Variants in DTWD2 observed in about 807,000 individuals in gnomAD.
The protein encoded by DTWD2 is DTW motif tRNA-uridine aminocarboxypropyltransferase 2, also known as tRNA-uridine aminocarboxypropyltransferase 2.
DTWD2 carries 39 observed loss-of-function variants against 31.8 expected under a neutral mutation model. The ratio of observed to expected loss-of-function variants is 1.22; its 90% CI spans 0.95 to 1.60. DTWD2 has a LOEUF of 1.60. DTWD2 is among the 40% of genes most tolerant of loss of function. The pLI, the probability that DTWD2 is intolerant of heterozygous loss-of-function variation, is 0.00. For synonymous variants in DTWD2, 180 were observed against 142.8 expected, an observed-to-expected ratio of 1.26 and a Z score of -1.86; for missense variants, 515 against 381.5, an observed-to-expected ratio of 1.35 and a Z score of -2.92.
intron 1 of DTWD2, among the ~76,000 whole-genome samples, chr5:118,979,205 G>A (rs1265654980): frequency 6.6e-6 from 1 of 152,118 alleles, no homozygotes; most frequent in Non-Finnish European, 1.5e-5. Context: ...TCGGGAGGCT[G>A]AGGCAGGAGA....
chr5:118,862,360 A>G (rs925459574), intron 4 of DTWD2, among the ~76,000 whole-genome samples: 5 of 152,204 alleles, frequency 3.3e-5, no homozygotes, highest in African/African-American at 7.2e-5. Flanking sequence ...CATAGTGAGT[A>G]AAGGAGGGCA....
chr5:118,877,960 A>G (rs1374833883), intron 4 of DTWD2, among the ~76,000 whole-genome samples: 1 of 152,194 alleles, frequency 6.6e-6, no homozygotes, highest in Non-Finnish European at 1.5e-5. Context: ...CAAAAAGAAT[A>G]AAATACCTAG....
At chr5:118,888,104 T>A (rs1042124537) in intron 4 of DTWD2, among the ~76,000 whole-genome samples, 13 of 152,192 alleles carry the variant, frequency 8.5e-5, no homozygotes, top group African/African-American at 3.1e-4. Flanking sequence ...TAAAGTAAAA[T>A]TGACATAAAC....
intron 4 of DTWD2, among the ~76,000 whole-genome samples, chr5:118,918,249 T>G (rs950576362): frequency 2.6e-5 from 4 of 152,330 alleles, no homozygotes; most frequent in East Asian, 1.9e-4. Flanking sequence ...CTGAAAACGT[T>G]TGGAAAATAA....
In DTWD2 at chr5:118,838,207, G is replaced by A. The variant is rs1751617828; in HGVS notation, c.*2710C>T. ...CTCAATACCTCTCATTACACGCAGT[G>A]ATTTTCAACATACTATAAAGGAGCT... On this transcript the variant is annotated 3_prime_UTR_variant, in exon 6 of 6. Coordinates refer to ENST00000510708, the MANE Select transcript of DTWD2 (RefSeq NM_173666.4). 1 of 152,088 alleles carries A rather than the reference G, an allele frequency of 6.6e-6. No individual in the cohort carries two copies. Among genetic ancestry groups the A allele is most frequent in the African/African-American group, 2.4e-5 (1 of 41,410 alleles). The allele number at this position is 152,088 out of a possible 1,614,324, so 9.4% of individuals were successfully genotyped here. A position where few individuals can be genotyped will look rare whatever the true frequency, so the allele number is the denominator to read the frequency against.
chr5:118,874,258 T>A (rs901070018), intron 4 of DTWD2, among the ~76,000 whole-genome samples: 10 of 152,122 alleles, frequency 6.6e-5, no homozygotes, highest in African/African-American at 1.9e-4. Context: ...TGGGAAAGAA[T>A]CAGTGCAAGA....
At chr5:118,908,397 C>CA (rs1753381217) in intron 4 of DTWD2, among the ~76,000 whole-genome samples, 1 of 151,940 alleles carries the variant, frequency 6.6e-6, no homozygotes, top group Non-Finnish European at 1.5e-5. Context: ...AAAACAAAAA[C>CA]AAAAAACCCA....
intron 4 of DTWD2, among the ~76,000 whole-genome samples, chr5:118,870,071 C>G (rs1462845883): frequency 2.6e-5 from 4 of 152,144 alleles, no homozygotes; most frequent in African/African-American, 9.7e-5. Context: ...TTGTAAGCTT[C>G]CTGAAGCTTG....
chr5:118,938,227 A>G (rs1163161244), intron 3 of DTWD2, among the ~76,000 whole-genome samples: 2 of 152,168 alleles, frequency 1.3e-5, no homozygotes, highest in South Asian at 2.1e-4. Context: ...AAAAAAAAGG[A>G]TAAGTATCAG....
chr5:118,928,021 A>T (rs1039887099), intron 4 of DTWD2, among the ~76,000 whole-genome samples: 1 of 152,142 alleles, frequency 6.6e-6, no homozygotes, highest in Non-Finnish European at 1.5e-5. Flanking sequence ...TTCCAGGAAT[A>T]TAAGAATGGA....
intron 1 of DTWD2, among the ~76,000 whole-genome samples, chr5:118,983,925 G>A (rs942814038): frequency 6.6e-5 from 10 of 152,152 alleles, no homozygotes; most frequent in East Asian, 3.9e-4. Context: ...TGAAGCAGGC[G>A]GCTCACCTGA....
At chr5:118,841,887 CTTAA>C (rs766531497) in intron 5 of DTWD2, among the ~76,000 whole-genome samples, 1 of 151,826 alleles carries the variant, frequency 6.6e-6, no homozygotes, top group African/African-American at 2.4e-5. Context: ...AGCAAAAAAA[CTTAA>C]TTAAACAGAT....
chr5:118,865,541 T>C (rs1287996683), intron 4 of DTWD2, among the ~76,000 whole-genome samples: 1 of 152,200 alleles, frequency 6.6e-6, no homozygotes, highest in Admixed American at 6.5e-5. Flanking sequence ...CATTTTGGCA[T>C]GGCCATGTTT....
At chr5:118,875,384 C>T (rs1029850359) in intron 4 of DTWD2, among the ~76,000 whole-genome samples, 3 of 151,770 alleles carry the variant, frequency 2.0e-5, no homozygotes, top group African/African-American at 7.3e-5. Context: ...GGGCTAAATG[C>T]CCCAATAAAA....
chr5:118,877,734 G>A (rs565572320), intron 4 of DTWD2, among the ~76,000 whole-genome samples: 1 of 152,224 alleles, frequency 6.6e-6, no homozygotes, highest in African/African-American at 2.4e-5. Context: ...AAAAGGAAGA[G>A]AGAAAGTCAA....
intron 4 of DTWD2, among the ~76,000 whole-genome samples, chr5:118,870,695 G>A (rs1037024924): frequency 2.6e-5 from 4 of 152,152 alleles, no homozygotes; most frequent in East Asian, 1.9e-4. Flanking sequence ...TCAGAGTGGA[G>A]GTTGCTAAAG....
chr5:118,837,173 A>G lies in DTWD2; in HGVS notation c.*3744T>C, dbSNP rs924778087. ...AAAGAGGGAGAGGAAGACCCTGGGAAGGAGGAAGAAAGTGTGAAGAGAAAA... is the reference window on the plus strand; with the variant it reads ...AAAGAGGGAGAGGAAGACCCTGGGAGGGAGGAAGAAAGTGTGAAGAGAAAA... On this transcript the variant is annotated 3_prime_UTR_variant, in exon 6 of 6. Transcript: ENST00000510708. The G allele has an allele frequency of 6.6e-6, 1 of 152,172 alleles. No homozygotes were observed. Among genetic ancestry groups the G allele is most frequent in the East Asian group, 1.9e-4 (1 of 5,200 alleles). 9.4% of individuals were successfully genotyped at this position (152,172 alleles called of 1,614,324 possible).
chr5:118,953,505 T>C (rs1157979126), intron 1 of DTWD2, among the ~76,000 whole-genome samples: 1 of 152,220 alleles, frequency 6.6e-6, no homozygotes, highest in African/African-American at 2.4e-5. Flanking sequence ...ATGATAACTA[T>C]ATTGCTAAGC....
Position 118,840,804 on chromosome 5 carries a change from A to C in DTWD2, c.*113T>G. ...CTTCCTTCTTCTGGGTAAGATTAGT[A>C]TGCAATTCTCCTTCTTTAGCAAGTC... On this transcript the variant is annotated 3_prime_UTR_variant, in exon 6 of 6. Transcript: ENST00000510708. 4 of 1,096,044 alleles carry C rather than the reference A, an allele frequency of 3.6e-6. No homozygotes were observed. The highest frequency in any genetic ancestry group is 4.9e-6 in the Non-Finnish European group (4 of 817,330). The allele number at this position is 1,096,044 out of a possible 1,614,324, so 67.9% of individuals were successfully genotyped here.
Sources: gnomAD v4.1 joint callset for allele counts (sites outside exome capture counted in the v4.1 genomes callset) on GRCh38, gnomAD v4.1.1 for gene constraint, MANE v1.5 for transcripts, NCBI Gene and HGNC (gene_info 2026-07-23, HGNC 2026-07-21) for gene names.